Variants in TMTC2 observed in about 807,000 individuals in gnomAD.
TMTC2 encodes the protein protein O-mannosyl-transferase TMTC2.
In TMTC2, 43 loss-of-function variants were observed where a neutral mutation model predicts 82.4. The observed-to-expected ratio is 0.52, with a 90% CI of 0.41 to 0.67. The LOEUF (loss-of-function observed/expected upper bound fraction) is 0.67, where lower values mean the gene tolerates loss of function less well. Ranked by LOEUF, TMTC2 falls within the 30% of genes least tolerant of loss-of-function variation. The pLI is 0.00. For missense variants in TMTC2, 919 were observed against 1,012.4 expected (o/e 0.91, Z 1.25); for synonymous variants, 408 against 381.9 (o/e 1.07, Z -0.80).
At chr12:82,967,693 A>G (rs889488420) in intron 7 of TMTC2, among the ~76,000 whole-genome samples, 1 of 152,120 alleles carries the variant, frequency 6.6e-6, no homozygotes, top group African/African-American at 2.4e-5. Flanking sequence ...CCCTAAAGTA[A>G]GGTGGCCTAA....
At chr12:82,812,526 G>T (rs1868456856) in intron 1 of TMTC2, among the ~76,000 whole-genome samples, 1 of 151,988 alleles carries the variant, frequency 6.6e-6, no homozygotes, top group African/African-American at 2.4e-5. Flanking sequence ...AATGTATATA[G>T]ATCCAAAATG....
At chr12:83,120,075 C>A (rs1884898718) in intron 11 of TMTC2, among the ~76,000 whole-genome samples, 1 of 152,170 alleles carries the variant, frequency 6.6e-6, no homozygotes, top group Non-Finnish European at 1.5e-5. Flanking sequence ...CTGGTGAATT[C>A]TTAAACATTC....
intron 8 of TMTC2, among the ~76,000 whole-genome samples, chr12:82,993,863 C>A (rs1254057664): frequency 2.6e-5 from 4 of 152,084 alleles, no homozygotes; most frequent in Non-Finnish European, 4.4e-5. Context: ...TGCAAGGGAG[C>A]AATGGGCAAG....
intron 1 of TMTC2, among the ~76,000 whole-genome samples, chr12:82,821,965 A>G (rs1869144069): frequency 6.6e-6 from 1 of 151,998 alleles, no homozygotes; most frequent in Non-Finnish European, 1.5e-5. Context: ...GCACTCCTTT[A>G]CAATGGAGTA....
intron 2 of TMTC2, among the ~76,000 whole-genome samples, chr12:82,859,113 G>A (rs1300768050): frequency 3.3e-5 from 5 of 150,944 alleles, no homozygotes; most frequent in Non-Finnish European, 5.9e-5. Context: ...CTGTCGCCAG[G>A]CTGGAGTGCA....
intron 11 of TMTC2, among the ~76,000 whole-genome samples, chr12:83,071,162 T>G (rs1883098707): frequency 2.3e-5 from 1 of 42,774 alleles, no homozygotes. Flanking sequence ...TTTTTTTTTG[T>G]TTTTTTTTTT....
At chr12:83,098,211 A>G (rs1884096870) in intron 11 of TMTC2, among the ~76,000 whole-genome samples, 1 of 152,214 alleles carries the variant, frequency 6.6e-6, no homozygotes, top group Non-Finnish European at 1.5e-5. Context: ...CCAGCCTATC[A>G]TCCCAGCACA....
chr12:82,948,153 C>T (rs1877130438), intron 4 of TMTC2, among the ~76,000 whole-genome samples: 1 of 152,126 alleles, frequency 6.6e-6, no homozygotes, highest in Admixed American at 6.6e-5. Context: ...GTCACTTGAG[C>T]CCAGAAGTTC....
intron 9 of TMTC2, among the ~76,000 whole-genome samples, chr12:83,038,681 A>G (rs1434067729): frequency 6.6e-6 from 1 of 152,186 alleles, no homozygotes; most frequent in Non-Finnish European, 1.5e-5. Context: ...TGTTAGGTGA[A>G]AAAAATAAAA....
intron 1 of TMTC2, among the ~76,000 whole-genome samples, chr12:82,720,279 T>A (rs1224216634): frequency 6.6e-6 from 1 of 152,158 alleles, no homozygotes; most frequent in Non-Finnish European, 1.5e-5. Context: ...TCTATATAAG[T>A]TTGCATGTTT....
chr12:82,774,193 GTATA>G (rs1877462525), intron 1 of TMTC2, among the ~76,000 whole-genome samples: 1 of 151,988 alleles, frequency 6.6e-6, no homozygotes, highest in Non-Finnish European at 1.5e-5. Context: ...ACACACATGT[GTATA>G]TATGTACACG....
chr12:82,690,420 G>A, intron 1 of TMTC2: 1 of 984,264 alleles, frequency 1.0e-6, no homozygotes, highest in African/African-American at 1.7e-5. Context: ...AATCATTATT[G>A]CTGTGGTACT....
intron 7 of TMTC2, among the ~76,000 whole-genome samples, chr12:82,970,345 G>C (rs1375997204): frequency 6.6e-6 from 1 of 152,222 alleles, no homozygotes; most frequent in South Asian, 2.1e-4. Context: ...GGCTTTTTGA[G>C]ACGGAGTCTC....
At chr12:83,107,741 A>G (rs1884459107) in intron 11 of TMTC2, among the ~76,000 whole-genome samples, 1 of 145,440 alleles carries the variant, frequency 6.9e-6, no homozygotes, top group Non-Finnish European at 1.5e-5. Flanking sequence ...CTATCTACCT[A>G]TGCACGTCTT....
At chr12:83,091,082 A>G (rs1314780277) in intron 11 of TMTC2, among the ~76,000 whole-genome samples, 2 of 152,134 alleles carry the variant, frequency 1.3e-5, no homozygotes, top group African/African-American at 4.8e-5. Flanking sequence ...GCTTTGTTCT[A>G]AAGCCCAGCA....
chr12:82,805,871 T>G (rs1879220573), intron 1 of TMTC2, among the ~76,000 whole-genome samples: 1 of 152,076 alleles, frequency 6.6e-6, no homozygotes, highest in South Asian at 2.1e-4. Flanking sequence ...TATATAAAAT[T>G]TTTAGTTTTT....
At chr12:82,841,411 C>G (rs1870328666) in intron 1 of TMTC2, among the ~76,000 whole-genome samples, 1 of 152,136 alleles carries the variant, frequency 6.6e-6, no homozygotes, top group Non-Finnish European at 1.5e-5. Flanking sequence ...CTCTTGCCTT[C>G]CATGACAAAT....
chr12:82,901,302 T>A lies in TMTC2; in HGVS notation c.1483+4656T>A, dbSNP rs572563921. Among the ~76,000 whole-genome samples the A allele has an allele frequency of 7.4e-3, 989 of 132,934 alleles. 29 individuals are homozygous for A. Among genetic ancestry groups the A allele is most frequent in the African/African-American group, 0.022 (706 of 31,630 alleles). The allele number at this position is 132,934 out of a possible 152,430, so 87.2% of individuals were successfully genotyped here. A position where few individuals can be genotyped will look rare whatever the true frequency, so the allele number is the denominator to read the frequency against. On this transcript the variant is annotated intron_variant, in intron 3 of 11. Coordinates refer to ENST00000321196, the MANE Select transcript of TMTC2 (RefSeq NM_152588.3). ...GAGAGTAATATATATATATATATAT[T>A]TTTTTTTCTTTTTTTTTTTTGAGAC...
chr12:83,108,281 T>G, intron 11 of TMTC2, among the ~76,000 whole-genome samples: 1 of 152,144 alleles, frequency 6.6e-6, no homozygotes, highest in East Asian at 1.9e-4. Context: ...ATATTAATTT[T>G]TTATTTATTA....
Sources: gnomAD v4.1 joint callset for allele counts (sites outside exome capture counted in the v4.1 genomes callset) on GRCh38, gnomAD v4.1.1 for gene constraint, MANE v1.5 for transcripts, NCBI Gene and HGNC (gene_info 2026-07-23, HGNC 2026-07-21) for gene names.